TRAK1: variants seen among roughly 807,000 people sequenced by gnomAD.
The protein encoded by TRAK1 is trafficking kinesin-binding protein 1.
Under a neutral mutation model 92.1 loss-of-function variants are expected in TRAK1, and 33 were observed. That is an observed-to-expected ratio of 0.36 (90% CI 0.27 to 0.48). The LOEUF (loss-of-function observed/expected upper bound fraction) is 0.48. Among genes scored for constraint, TRAK1 ranks in the 20% least tolerant of loss-of-function variants. The pLI is 0.99. For synonymous variants in TRAK1, 521 were observed against 517.3 expected (o/e 1.01, Z -0.10); for missense variants, 1,123 against 1,257.9 (o/e 0.89, Z 1.62).
At chr3:42,084,164 G>A (rs1704560459), upstream of TRAK1, among the ~76,000 whole-genome samples, 1 of 151,818 alleles carries the variant, frequency 6.6e-6, no homozygotes, top group Non-Finnish European at 1.5e-5. Context: ...TTTGTCTTAA[G>A]CTTTTTTTGT....
chr3:42,156,180 G>A (rs997214239), intron 2 of TRAK1, among the ~76,000 whole-genome samples: 6 of 152,218 alleles, frequency 3.9e-5, no homozygotes, highest in African/African-American at 1.4e-4. Flanking sequence ...CTTTCTTGCC[G>A]GTCTTTGGGG....
chr3:42,030,752 G>T (rs1702110920), intron 1 of TRAK1, among the ~76,000 whole-genome samples: 13 of 138,950 alleles, frequency 9.4e-5, no homozygotes, highest in East Asian at 2.0e-4. Flanking sequence ...GTAACTTGTT[G>T]GTCAGGCAGT....
chr3:42,124,447 G>A (rs1450138703), intron 1 of TRAK1, among the ~76,000 whole-genome samples: 1 of 152,218 alleles, frequency 6.6e-6, no homozygotes, highest in Non-Finnish European at 1.5e-5. Flanking sequence ...GCTTTGATGA[G>A]TAAGCACTGG....
intron 1 of TRAK1, among the ~76,000 whole-genome samples, chr3:42,075,865 CAG>C (rs1704132257): frequency 6.6e-6 from 1 of 151,774 alleles, no homozygotes; most frequent in African/African-American, 2.4e-5. Context: ...TTTTTTGAGA[CAG>C]AGTCTTGCTC....
At chr3:42,210,104 G>GGAA in intron 14 of TRAK1, 119 bp downstream of exon 14, 1 of 1,612,078 alleles carries the variant, frequency 6.2e-7, no homozygotes, top group Non-Finnish European at 8.5e-7. Context: ...AGGAGGAGGA[G>GGAA]GAGGAGGAGG....
chr3:42,098,329 A>ACGGGT (rs1218314413), intron 1 of TRAK1, among the ~76,000 whole-genome samples: 1 of 152,078 alleles, frequency 6.6e-6, no homozygotes, highest in Non-Finnish European at 1.5e-5. Context: ...CAGGCACTTC[A>ACGGGT]CGGGTCGTAC....
intron 2 of TRAK1, among the ~76,000 whole-genome samples, chr3:42,175,307 C>T (rs941909185): frequency 1.3e-5 from 2 of 152,142 alleles, no homozygotes; most frequent in Non-Finnish European, 2.9e-5. Flanking sequence ...AAGACTAACT[C>T]GGGTTGGTAG....
At chr3:42,138,907 G>A (rs1348176757) in intron 2 of TRAK1, among the ~76,000 whole-genome samples, 1 of 150,620 alleles carries the variant, frequency 6.6e-6, no homozygotes, top group African/African-American at 2.4e-5. Flanking sequence ...GTGTGTGTGT[G>A]TGTGTGTGTG....
chr3:42,189,475 A>G (rs1350492834), intron 6 of TRAK1, among the ~76,000 whole-genome samples: 3 of 152,208 alleles, frequency 2.0e-5, no homozygotes, highest in Non-Finnish European at 4.4e-5. Flanking sequence ...ATGCTGCCAC[A>G]GATCAGATGC....
At chr3:42,040,679 C>T (rs1483626631) in intron 1 of TRAK1, among the ~76,000 whole-genome samples, 1 of 147,750 alleles carries the variant, frequency 6.8e-6, no homozygotes, top group African/African-American at 2.5e-5. Context: ...CAGTACTACA[C>T]CTTTTTTTTT....
chr3:42,018,905 C>T (rs988320137), intron 1 of TRAK1, among the ~76,000 whole-genome samples: 4 of 152,094 alleles, frequency 2.6e-5, no homozygotes, highest in Non-Finnish European at 4.4e-5. Context: ...AGGTGGATTG[C>T]GAGGTCATGA....
chr3:42,139,671 GT>G (rs1164544059), intron 2 of TRAK1, among the ~76,000 whole-genome samples: 1 of 152,132 alleles, frequency 6.6e-6, no homozygotes, highest in Non-Finnish European at 1.5e-5. Context: ...CGATTCCAAT[GT>G]TGAGTATTTA....
intron 2 of TRAK1, among the ~76,000 whole-genome samples, chr3:42,139,294 G>A (rs1234077288): frequency 6.6e-6 from 1 of 152,042 alleles, no homozygotes; most frequent in African/African-American, 2.4e-5. Flanking sequence ...CACGTATGCG[G>A]TCTCTTTCTT....
At chr3:42,182,971 A>G (rs1370805372) in intron 3 of TRAK1, among the ~76,000 whole-genome samples, 1 of 152,208 alleles carries the variant, frequency 6.6e-6, no homozygotes, top group African/African-American at 2.4e-5. Flanking sequence ...ACCTATGTTC[A>G]AGTAGGGAAC....
intron 1 of TRAK1, among the ~76,000 whole-genome samples, chr3:42,103,345 T>G (rs1360601783): frequency 1.3e-5 from 2 of 152,138 alleles, no homozygotes; most frequent in Non-Finnish European, 2.9e-5. Flanking sequence ...TTTTTGTATT[T>G]TTTTTTCTTA....
At chr3:42,022,046 A>G (rs936034782) in intron 1 of TRAK1, among the ~76,000 whole-genome samples, 3 of 152,192 alleles carry the variant, frequency 2.0e-5, no homozygotes, top group African/African-American at 7.2e-5. Flanking sequence ...TGTGCCCTGG[A>G]CTTGCTCTGT....
intron 9 of TRAK1, 113 bp downstream of exon 9, chr3:42,194,011 C>T: frequency 9.9e-7 from 1 of 1,009,438 alleles, no homozygotes; most frequent in South Asian, 1.6e-5. Context: ...TTTTGAATTT[C>T]ATTTCATTTT....
chr3:42,221,221 C>T (rs967841381), intron 15 of TRAK1, among the ~76,000 whole-genome samples: 6 of 151,994 alleles, frequency 3.9e-5, no homozygotes, highest in Non-Finnish European at 8.8e-5. Flanking sequence ...AGCATTTTTG[C>T]CCTTTACTGA....
In TRAK1 at chr3:42,138,156, G is replaced by A. The variant is rs998194423; in HGVS notation, c.286+12542G>A. Among the ~76,000 whole-genome samples, 2 of 152,096 alleles carry A rather than the reference G, an allele frequency of 1.3e-5. 1 individual carries two copies. The highest frequency in any genetic ancestry group is 4.8e-5 in the African/African-American group (2 of 41,420). ...TAAATTGCTTTCAGGTGATAATGTA[G>A]GAACATCTTATAAGTATTCTCAGAA... On this transcript the variant is annotated intron_variant, in intron 2 of 15. Transcript: ENST00000327628.
Sources: allele counts gnomAD v4.1 joint callset (sites outside exome capture counted in the v4.1 genomes callset), GRCh38; gene constraint gnomAD v4.1.1; transcripts MANE v1.5; gene names NCBI Gene and HGNC (gene_info 2026-07-23, HGNC 2026-07-21).